GALNTL6: variants seen among roughly 807,000 people sequenced by gnomAD.
GALNTL6 encodes polypeptide N-acetylgalactosaminyltransferase-like 6.
Under a neutral mutation model 73.7 loss-of-function variants are expected in GALNTL6, and 46 were observed. The observed-to-expected ratio is 0.62, with a 90% confidence interval of 0.49 to 0.80. The LOEUF (loss-of-function observed/expected upper bound fraction) is 0.80, where lower values mean the gene tolerates loss of function less well. GALNTL6 is among the 30% of genes least tolerant of loss of function. The pLI is 0.00. For synonymous variants in GALNTL6, 259 were observed against 263.7 expected (o/e 0.98, Z 0.17); for missense variants, 604 against 755.0 (o/e 0.80, Z 2.34).
chr4:172,157,856 A>G (rs1159344216), intron 2 of GALNTL6, among the ~76,000 whole-genome samples: 3 of 152,198 alleles, frequency 2.0e-5, no homozygotes, highest in Non-Finnish European at 4.4e-5. Context: ...TCAACATGCT[A>G]TCAGATCCTA....
intron 2 of GALNTL6, among the ~76,000 whole-genome samples, chr4:172,111,476 TAA>T (rs1464662114): frequency 4.6e-5 from 7 of 152,132 alleles, no homozygotes; most frequent in African/African-American, 1.7e-4. Flanking sequence ...AAGATGAGCT[TAA>T]GTTAATTGAA....
At chr4:172,002,893 T>C (rs1368044791) in intron 2 of GALNTL6, among the ~76,000 whole-genome samples, 1 of 152,130 alleles carries the variant, frequency 6.6e-6, no homozygotes, top group Non-Finnish European at 1.5e-5. Flanking sequence ...ATAGATTCCA[T>C]TTCAAAACCT....
intron 5 of GALNTL6, among the ~76,000 whole-genome samples, chr4:172,533,261 C>A (rs13127578): frequency 6.7e-6 from 1 of 148,690 alleles, no homozygotes; most frequent in Non-Finnish European, 1.5e-5. Context: ...GATCCACCCA[C>A]GTCAGCATCC....
chr4:172,584,537 G>C (rs1470802215), intron 5 of GALNTL6, among the ~76,000 whole-genome samples: 1 of 152,260 alleles, frequency 6.6e-6, no homozygotes, highest in East Asian at 1.9e-4. Flanking sequence ...GAAGGGGATA[G>C]ATAGATTTAA....
Position 172,776,057 on chromosome 4 carries a change from C to T in GALNTL6, c.554-33304C>T, listed in dbSNP as rs532076110. On this transcript the variant is annotated intron_variant, in intron 5 of 12. Coordinates refer to ENST00000506823, the MANE Select transcript of GALNTL6 (RefSeq NM_001034845.3). ...CCAGCTGATACCTTGATTGCAGTCA[C>T]GTGAGACTCTAATCATAGGATCCAG... Among the ~76,000 whole-genome samples the T allele has an allele frequency of 2.1e-4, 32 of 152,238 alleles. 1 individual carries two copies. The South Asian group carries it at 5.4e-3, about 26-fold the overall frequency.
Position 172,022,527 on chromosome 4 carries a change from G to C in GALNTL6, c.139-207129G>C, listed in dbSNP as rs549503545. Among the ~76,000 whole-genome samples, 3 of 152,126 alleles carry C rather than the reference G, an allele frequency of 2.0e-5. No homozygotes were observed. In the South Asian group the frequency reaches 6.2e-4, roughly 32 times the overall value. ...TCCACATATCCATGCAACTGCTTCA[G>C]TATCATCATTCCACCAGTTCTTTGT... On this transcript the variant is annotated intron_variant, in intron 2 of 12. Coordinates refer to ENST00000506823, the MANE Select transcript of GALNTL6 (RefSeq NM_001034845.3).
chr4:172,815,769 T>C (rs1346783379), intron 7 of GALNTL6, among the ~76,000 whole-genome samples: 1 of 152,158 alleles, frequency 6.6e-6, no homozygotes, highest in Non-Finnish European at 1.5e-5. Flanking sequence ...CCTACGTAGG[T>C]GGTTGTTGAA....
intron 4 of GALNTL6, among the ~76,000 whole-genome samples, chr4:172,313,105 A>G (rs1740418341): frequency 1.4e-5 from 2 of 142,456 alleles, no homozygotes; most frequent in Admixed American, 7.0e-5. Flanking sequence ...ATTTTTATCT[A>G]TCCAGTTCCC....
chr4:172,659,548 C>T (rs1366006018), intron 5 of GALNTL6, among the ~76,000 whole-genome samples: 1 of 151,656 alleles, frequency 6.6e-6, no homozygotes, highest in Non-Finnish European at 1.5e-5. Flanking sequence ...CCCTTCTCAG[C>T]CTCTGGTAAC....
chr4:171,830,502 C>A (rs1560804986), intron 2 of GALNTL6, among the ~76,000 whole-genome samples: 1 of 151,742 alleles, frequency 6.6e-6, no homozygotes, highest in Admixed American at 6.6e-5. Context: ...TATATGTATA[C>A]AAAAAAATAA....
At chr4:172,927,213 A>G (rs3105224) in intron 8 of GALNTL6, among the ~76,000 whole-genome samples, 5,822 of 152,302 alleles carry the variant, frequency 0.038, 365 homozygotes, top group African/African-American at 0.13. Context: ...GAGGTGATGC[A>G]CATCACTTCC....
At chr4:172,976,853 A>G (rs1007428666) in intron 10 of GALNTL6, among the ~76,000 whole-genome samples, 6 of 150,772 alleles carry the variant, frequency 4.0e-5, no homozygotes, top group Non-Finnish European at 1.5e-5. Context: ...ACTGATTGTC[A>G]CCAACTAAAA....
At chr4:172,115,730 T>C (rs531759232) in intron 2 of GALNTL6, among the ~76,000 whole-genome samples, 52 of 152,052 alleles carry the variant, frequency 3.4e-4, no homozygotes, top group Middle Eastern at 3.2e-3. Context: ...AAATGGATCG[T>C]GGAACAGTAA....
At chr4:172,822,561 T>G (rs1192768410) in intron 7 of GALNTL6, among the ~76,000 whole-genome samples, 1 of 152,194 alleles carries the variant, frequency 6.6e-6, no homozygotes, top group African/African-American at 2.4e-5. Context: ...TCTTAAATTT[T>G]GGACTTCTGA....
intron 2 of GALNTL6, among the ~76,000 whole-genome samples, chr4:172,092,555 T>TTTAGAGCATTTGATTAAATGCTCAAA (rs1372920636): frequency 3.9e-5 from 6 of 152,096 alleles, no homozygotes; most frequent in Non-Finnish European, 8.8e-5. Context: ...CTGTCAAAGG[T>TTTAGAGCATTTGATTAAATGCTCAAA]TTAGAGCATT....
At chr4:171,842,595 G>A (rs1735266148) in intron 2 of GALNTL6, among the ~76,000 whole-genome samples, 2 of 152,108 alleles carry the variant, frequency 1.3e-5, no homozygotes, top group African/African-American at 2.4e-5. Flanking sequence ...TGGTGGAAGA[G>A]AATAGAGAAT....
At chr4:172,191,717 T>C (rs1441181250) in intron 2 of GALNTL6, among the ~76,000 whole-genome samples, 1 of 152,198 alleles carries the variant, frequency 6.6e-6, no homozygotes, top group African/African-American at 2.4e-5. Context: ...AGGGCTAAAC[T>C]CAATTTTCAG....
chr4:172,891,331 C>T (rs1289776915), intron 8 of GALNTL6, among the ~76,000 whole-genome samples: 1 of 152,052 alleles, frequency 6.6e-6, no homozygotes, highest in East Asian at 1.9e-4. Context: ...TTAGAGCTCC[C>T]TTTAACATCT....
chr4:172,525,592 GTGACTAACAC>G (rs1734923502), intron 5 of GALNTL6, among the ~76,000 whole-genome samples: 2 of 152,144 alleles, frequency 1.3e-5, no homozygotes, highest in Admixed American at 1.3e-4. Flanking sequence ...GTCGGGCACA[GTGACTAACAC>G]TTACAATCCC....
Sources: gnomAD v4.1 joint callset for allele counts (sites outside exome capture counted in the v4.1 genomes callset) on GRCh38, gnomAD v4.1.1 for gene constraint, MANE v1.5 for transcripts, NCBI Gene and HGNC (gene_info 2026-07-23, HGNC 2026-07-21) for gene names.